Variants in ZNF808 observed in about 807,000 individuals in gnomAD.
ZNF808 encodes the protein zinc finger protein 808.
ZNF808 carries 5 observed loss-of-function variants against 8.7 expected under a neutral mutation model. The observed-to-expected ratio is 0.58, with a 90% CI of 0.30 to 1.21. The LOEUF (loss-of-function observed/expected upper bound fraction) is 1.21. ZNF808 is among the 50% of genes most tolerant of loss of function. The pLI, the probability that ZNF808 is intolerant of heterozygous loss-of-function variation, is 0.07. For missense variants in ZNF808, 1,103 were observed against 1,098.4 expected (o/e 1.00, Z -0.06); for synonymous variants, 380 against 366.0 (o/e 1.04, Z -0.44).
chr19:52,539,150 A>T (rs373306768), intron 2 of ZNF808, among the ~76,000 whole-genome samples: 1 of 148,718 alleles, frequency 6.7e-6, no homozygotes, highest in East Asian at 2.0e-4. Flanking sequence ...TCTTTTTGTA[A>T]TTGGTTTCCT....
Position 52,554,149 on chromosome 19 carries a change from A to C in ZNF808, c.1233A>C (p.Gln411His). The C allele has an allele frequency of 6.2e-7, 1 of 1,614,136 alleles. No individual in the cohort carries two copies. The highest frequency in any genetic ancestry group is 2.2e-5 in the East Asian group (1 of 44,880). ...CNECGKAFNH[Q>H]SSLARHHILH... is the part of the protein sequence containing the mutation. ...AGTGTGGTAAGGCTTTTAATCATCA[A>C]TCAAGCCTTGCACGTCATCATATAC... Residue 411 changes from glutamine (Q) to histidine (H), a missense_variant, in exon 5 of 5, where the codon CAA becomes CAC. Physicochemically the swap from Gln to His is conservative, Grantham distance 24. Coordinates refer to ENST00000359798, the MANE Select transcript of ZNF808 (RefSeq NM_001039886.4).
intron 2 of ZNF808, among the ~76,000 whole-genome samples, chr19:52,535,384 A>G (rs2059597499): frequency 6.7e-6 from 1 of 150,000 alleles, no homozygotes; most frequent in Admixed American, 6.6e-5. Flanking sequence ...CGAGGGAGAG[A>G]CGAGGGAGGG....
intron 3 of ZNF808, chr19:52,563,191 G>T (rs537536266): frequency 6.6e-6 from 1 of 152,180 alleles, no homozygotes; most frequent in African/African-American, 2.4e-5. Context: ...AGTAGAAGTT[G>T]TGGCTTTTTT....
downstream of ZNF808, among the ~76,000 whole-genome samples, chr19:52,567,836 A>C (rs895599559): frequency 6.6e-6 from 1 of 152,066 alleles, no homozygotes; most frequent in African/African-American, 2.4e-5. Flanking sequence ...GAAGTAGAAT[A>C]TTTTAGAAAG....
In ZNF808 at chr19:52,553,248, A is replaced by T. The variant is rs1185836977; in HGVS notation, c.332A>T (p.His111Leu). 4 of 1,614,040 alleles carry T rather than the reference A, an allele frequency of 2.5e-6. No homozygotes were observed. Among genetic ancestry groups the T allele is most frequent in the East Asian group, 4.5e-5 (2 of 44,870 alleles). Residue 111 changes from histidine (H) to leucine (L), a missense_variant, in exon 5 of 5, where the codon CAT (histidine) becomes CTT (leucine). His to Leu is a moderately conservative substitution (Grantham distance 99, BLOSUM62 -3). Transcript: ENST00000359798. ...TTCCAGGAAATTGAGAAAGAAATTC[A>T]TAACATTGAGTTTCAGTGTCAAGAA... Reference protein sequence around the residue: ...FCFQEIEKEIHNIEFQCQEDE... With the variant: ...FCFQEIEKEILNIEFQCQEDE...
In ZNF808 at chr19:52,543,222, G is replaced by T. The variant is rs374914919; in HGVS notation, c.-19-44G>T. Reference sequence around the variant, plus strand: ...CATGTGGTTTTGTCACAGGAAGGGAGTGAGTCATTTCTAACATGAAGTCTT... The same window carrying T: ...CATGTGGTTTTGTCACAGGAAGGGATTGAGTCATTTCTAACATGAAGTCTT... On this transcript the variant is annotated intron_variant, in intron 2 of 4. Coordinates refer to ENST00000359798, the MANE Select transcript of ZNF808 (RefSeq NM_001039886.4). The T allele has an allele frequency of 1.1e-4, 168 of 1,597,470 alleles. 1 individual carries two copies. The highest frequency in any genetic ancestry group is 1.3e-4 in the Non-Finnish European group (147 of 1,169,688).
At position 52,539,184 on chromosome 19, in the gene ZNF808, A is replaced by ATTT. The variant is rs3049209; in HGVS notation, c.-19-4064_-19-4062dup. ...CTTTTTTCTAGTTCCTCTTCATTTCATTTTTTTTTTTTTTTTTTTTAATTT... is the reference window on the plus strand; with the variant it reads ...CTTTTTTCTAGTTCCTCTTCATTTCATTTTTTTTTTTTTTTTTTTTTTTAATTT... On this transcript the variant is annotated intron_variant, in intron 2 of 4. Transcript: ENST00000359798. 3.5e-3 allele frequency among the ~76,000 whole-genome samples: 415 copies of ATTT among 117,708 alleles called. 7 individuals are homozygous for ATTT. The highest frequency in any genetic ancestry group is 0.016 in the East Asian group (66 of 4,058). The allele number at this position is 117,708 out of a possible 152,430, so 77.2% of individuals were successfully genotyped here. A position where few individuals can be genotyped will look rare whatever the true frequency, so the allele number is the denominator to read the frequency against.
At chr19:52,529,589 C>T (rs1007011148) in intron 1 of ZNF808, among the ~76,000 whole-genome samples, 8 of 152,128 alleles carry the variant, frequency 5.3e-5, no homozygotes, top group African/African-American at 1.9e-4. Flanking sequence ...CACTTGGAAT[C>T]CCTATTCAAC....
chr19:52,532,494 T>C (rs1390615089), intron 1 of ZNF808, among the ~76,000 whole-genome samples: 6 of 152,236 alleles, frequency 3.9e-5, no homozygotes, highest in Non-Finnish European at 8.8e-5. Context: ...GTGGATTATT[T>C]ACCAATATAA....
At chr19:52,532,194 T>C (rs2059567290) in intron 1 of ZNF808, among the ~76,000 whole-genome samples, 1 of 152,200 alleles carries the variant, frequency 6.6e-6, no homozygotes, top group Non-Finnish European at 1.5e-5. Context: ...ATTTAGGTAA[T>C]TTTATGACAG....
At chr19:52,565,292 C>A (rs1306970856), downstream of ZNF808, among the ~76,000 whole-genome samples, 1 of 151,828 alleles carries the variant, frequency 6.6e-6, no homozygotes, top group Non-Finnish European at 1.5e-5. Context: ...AAATAAAAAA[C>A]AATATCAGTG....
chr19:52,558,497 G>A (rs1391426785), downstream of ZNF808, among the ~76,000 whole-genome samples: 5 of 151,934 alleles, frequency 3.3e-5, no homozygotes, highest in Admixed American at 2.6e-4. Flanking sequence ...TCAGCCTCCC[G>A]AGTAGCTGGG....
chr19:52,542,451 C>G (rs556887515), intron 2 of ZNF808, among the ~76,000 whole-genome samples: 16 of 134,826 alleles, frequency 1.2e-4, no homozygotes, highest in African/African-American at 4.5e-4. Flanking sequence ...CTAGGATGCT[C>G]TTCCCCTCAG....
At chr19:52,549,149 G>A (rs74564743) in intron 4 of ZNF808, among the ~76,000 whole-genome samples, 2,731 of 151,974 alleles carry the variant, frequency 0.018, 72 homozygotes, top group African/African-American at 0.062. Context: ...CTAATGTTTT[G>A]TATTTTTTTT....
At chr19:52,542,968 G>GGGGGGGA (rs1568483345) in intron 2 of ZNF808, among the ~76,000 whole-genome samples, 1 of 144,798 alleles carries the variant, frequency 6.9e-6, no homozygotes, top group African/African-American at 2.7e-5. Context: ...TGGGGGGGGG[G>GGGGGGGA]TGGAGGCTTT....
At chr19:52,565,246 C>T (rs2059870275), downstream of ZNF808, among the ~76,000 whole-genome samples, 1 of 152,064 alleles carries the variant, frequency 6.6e-6, no homozygotes, top group Non-Finnish European at 1.5e-5. Flanking sequence ...CCAATGCACA[C>T]CAGCCTGGGC....
At chr19:52,561,094 C>T (rs1045426299), downstream of ZNF808, among the ~76,000 whole-genome samples, 23 of 151,344 alleles carry the variant, frequency 1.5e-4, no homozygotes, top group East Asian at 1.4e-3. Flanking sequence ...CCACTGTCAG[C>T]AGCGCAGCTC....
At chr19:52,528,212 C>T (rs1448597201) in intron 1 of ZNF808, among the ~76,000 whole-genome samples, 5 of 152,178 alleles carry the variant, frequency 3.3e-5, no homozygotes, top group African/African-American at 7.2e-5. Flanking sequence ...CTCCCCAGGT[C>T]TCTCCTCCGC....
chr19:52,550,350 C>T (rs1417085254), intron 4 of ZNF808, among the ~76,000 whole-genome samples: 1 of 151,896 alleles, frequency 6.6e-6, no homozygotes, highest in Non-Finnish European at 1.5e-5. Flanking sequence ...CCTTCCTCAG[C>T]CTTCTGAGTA....
Sources: gnomAD v4.1 joint callset for allele counts (sites outside exome capture counted in the v4.1 genomes callset) on GRCh38, gnomAD v4.1.1 for gene constraint, MANE v1.5 for transcripts, NCBI Gene and HGNC (gene_info 2026-07-23, HGNC 2026-07-21) for gene names.